SAMD15: variants seen among roughly 807,000 people sequenced by gnomAD.
The protein encoded by SAMD15 is sterile alpha motif domain containing 15, also known as sterile alpha motif domain-containing protein 15.
SAMD15 carries 37 observed loss-of-function variants against 50.5 expected under a neutral mutation model. The ratio of observed to expected loss-of-function variants is 0.73; its 90% CI spans 0.56 to 0.96. The LOEUF is 0.96. Ranked by LOEUF, SAMD15 falls within the 40% of genes least tolerant of loss-of-function variation. The pLI is 0.00. For synonymous variants in SAMD15, 255 were observed against 282.8 expected (o/e 0.90, Z 0.99); for missense variants, 789 against 783.8 (o/e 1.01, Z -0.08).
rs1894066091 is a variant in SAMD15, at chr14:77,391,025, G to A, written c.1806G>A (p.Thr602=). ...FEDMKAISRH[T]QELLEIEEPL... Reference sequence around the variant, plus strand: ...CGTTTCAGGCAATTTCTCGGCATACGCAGGAGCTCCTGGAAATTGAAGAGC... The same window carrying A: ...CGTTTCAGGCAATTTCTCGGCATACACAGGAGCTCCTGGAAATTGAAGAGC... The change falls in exon 3 of 3, where the codon ACG becomes ACA. Residue 602 remains threonine, a synonymous_variant. Coordinates refer to ENST00000216471, the MANE Select transcript of SAMD15 (RefSeq NM_001010860.4). 3 of 1,610,954 alleles carry A rather than the reference G, an allele frequency of 1.9e-6. No individual in the cohort carries two copies. Among genetic ancestry groups the A allele is most frequent in the African/African-American group, 1.3e-5 (1 of 74,732 alleles).
At position 77,377,452 on chromosome 14, in the gene SAMD15, C is replaced by T. The variant is rs768588281; in HGVS notation, c.34C>T (p.Pro12Ser). 5.0e-6 allele frequency: 8 copies of T among 1,613,006 alleles called. No homozygotes were observed. The South Asian group carries it at 7.7e-5, about 16-fold the overall frequency. The change falls in exon 1 of 3, where the codon CCA (proline) becomes TCA (serine). Residue 12 changes from proline to serine, a missense_variant. Physicochemically the swap from Pro to Ser is moderately conservative, Grantham distance 74 (BLOSUM62 -1). Coordinates refer to ENST00000216471, the MANE Select transcript of SAMD15 (RefSeq NM_001010860.4). ...AEVPEDYDSG[P>S]DEDGELEPER... ...AGTCCCGGAGGATTATGATTCCGGC[C>T]CAGATGAAGATGGAGAGCTGGAGCC... is the stretch of plus-strand genomic sequence containing the variant.
At position 77,391,329 on chromosome 14, in the gene SAMD15, C is replaced by CTT. The variant is rs377304119; in HGVS notation, c.*98_*99dup. On this transcript the variant is annotated 3_prime_UTR_variant, in exon 3 of 3. Coordinates refer to ENST00000216471, the MANE Select transcript of SAMD15 (RefSeq NM_001010860.4). ...GGTCTTTTTTGGTTTTCTTTTTCTC[C>CTT]TTTTTTTTTTTTTTATTTTTTTGAG... is the stretch of plus-strand genomic sequence containing the variant. 7.0e-3 allele frequency: 4,751 copies of CTT among 680,966 alleles called. No homozygotes were observed. The highest frequency in any genetic ancestry group is 8.3e-3 in the South Asian group (398 of 47,724). 42.2% of individuals were successfully genotyped at this position (680,966 alleles called of 1,614,324 possible). A position where few individuals can be genotyped will look rare whatever the true frequency, so the allele number is the denominator to read the frequency against.
At chr14:77,388,382 CGTGTGT>C (rs376913427) in intron 2 of SAMD15, among the ~76,000 whole-genome samples, 2,613 of 133,134 alleles carry the variant, frequency 0.02, 47 homozygotes, top group East Asian at 0.064. Context: ...GCCACCTGTT[CGTGTGT>C]GTGTGTGTGT....
intron 2 of SAMD15, among the ~76,000 whole-genome samples, chr14:77,384,364 T>C (rs1024890084): frequency 1.3e-5 from 2 of 152,234 alleles, no homozygotes; most frequent in African/African-American, 4.8e-5. Flanking sequence ...AGCCCTTCTA[T>C]GTTTAATTGG....
At chr14:77,390,885 G>A (rs985197421) in intron 2 of SAMD15, 123 bp from the exon 3 acceptor site, 13 of 701,954 alleles carry the variant, frequency 1.9e-5, no homozygotes, top group Admixed American at 9.5e-5. Context: ...GCAAGACTTC[G>A]TCTCAAAAAA....
At chr14:77,381,290 A>G (rs1285039903) in intron 2 of SAMD15, among the ~76,000 whole-genome samples, 1 of 152,208 alleles carries the variant, frequency 6.6e-6, no homozygotes, top group Non-Finnish European at 1.5e-5. Flanking sequence ...AATCTCCAGC[A>G]CCAACAGTTC....
At chr14:77,383,259 G>T (rs959443337) in intron 2 of SAMD15, among the ~76,000 whole-genome samples, 65 of 152,100 alleles carry the variant, frequency 4.3e-4, no homozygotes, top group African/African-American at 1.5e-3. Flanking sequence ...TAATAATAAG[G>T]AACAGAATTA....
chr14:77,386,369 A>G (rs2038048645), intron 2 of SAMD15, among the ~76,000 whole-genome samples: 1 of 152,194 alleles, frequency 6.6e-6, no homozygotes, highest in Admixed American at 6.5e-5. Flanking sequence ...GAATCAAATA[A>G]TGCACATTCT....
Position 77,378,476 on chromosome 14 carries a change from CAG to C in SAMD15, c.1060_1061del (p.Glu354AsnfsTer15), listed in dbSNP as rs1289088373. ...AATGAGGAAACAATTCTAGAACAAT[CAG>C]AAATGATGAAACCAGAAAGTCCAGA... On this transcript the variant is annotated frameshift_variant, in exon 1 of 3. Coordinates refer to ENST00000216471, the MANE Select transcript of SAMD15 (RefSeq NM_001010860.4). LOFTEE classifies it high-confidence loss of function. The C allele has an allele frequency of 6.2e-7, 1 of 1,612,978 alleles. No individual in the cohort carries two copies. Among genetic ancestry groups the C allele is most frequent in the Non-Finnish European group, 8.5e-7 (1 of 1,179,826 alleles).
At chr14:77,383,828 C>A (rs973961774) in intron 2 of SAMD15, among the ~76,000 whole-genome samples, 1 of 151,978 alleles carries the variant, frequency 6.6e-6, no homozygotes, top group Non-Finnish European at 1.5e-5. Flanking sequence ...AAAAAATTAG[C>A]TAGGCATGTT....
chr14:77,388,200 A>G (rs17105746), intron 2 of SAMD15, among the ~76,000 whole-genome samples: 2,957 of 152,262 alleles, frequency 0.019, 89 homozygotes, highest in African/African-American at 0.067. Flanking sequence ...CTGGGAATAC[A>G]ATCTGTGAAC....
intron 1 of SAMD15, among the ~76,000 whole-genome samples, chr14:77,379,759 T>C (rs1338423663): frequency 6.6e-6 from 1 of 152,204 alleles, no homozygotes; most frequent in East Asian, 1.9e-4. Flanking sequence ...TTTGGTACTT[T>C]GTCAAGTTAT....
In SAMD15 at chr14:77,378,233, C is replaced by G. The variant is rs1893880008; in HGVS notation, c.815C>G (p.Ser272Cys). ...TTTCTGGAGAAGGAACCAAGAAAGT[C>G]TAGTGAGGAGGCAGGTCTAGAGCCT... ...LEFLEKEPRK[S>C]SEEAGLEPPE... is the part of the protein sequence containing the mutation. The change falls in exon 1 of 3, where the codon TCT (serine) becomes TGT (cysteine). Residue 272 changes from serine to cysteine, a missense_variant. Physicochemically the swap from Ser to Cys is moderately radical, Grantham distance 112 (BLOSUM62 -1). Transcript: ENST00000216471. The G allele has an allele frequency of 6.2e-7, 1 of 1,613,806 alleles. No homozygotes were observed.
chr14:77,389,395 A>C (rs1894045594), intron 2 of SAMD15, among the ~76,000 whole-genome samples: 1 of 152,092 alleles, frequency 6.6e-6, no homozygotes, highest in South Asian at 2.1e-4. Flanking sequence ...TCTAGCAGCA[A>C]TTCCATGGAC....
chr14:77,386,052 C>T (rs553584394), intron 2 of SAMD15, among the ~76,000 whole-genome samples: 2 of 152,038 alleles, frequency 1.3e-5, no homozygotes, highest in East Asian at 3.9e-4. Context: ...GATGGGGTTT[C>T]GCCATATTGC....
rs1370812195 is a variant in SAMD15, at chr14:77,377,903, T to C, written c.485T>C (p.Val162Ala). The part of the protein sequence containing the change: ...ESAMETDPDP[V>A]PPTETMSEVS... ...GCTATGGAAACAGATCCAGATCCAGTGCCACCAACGGAAACCATGTCTGAG... is the reference window on the plus strand; with the variant it reads ...GCTATGGAAACAGATCCAGATCCAGCGCCACCAACGGAAACCATGTCTGAG... The change falls in exon 1 of 3, where the codon GTG (valine) becomes GCG (alanine). Residue 162 changes from valine (V) to alanine (A), a missense_variant. By Grantham distance (64) the Val-to-Ala change is moderately conservative. Transcript: ENST00000216471. 1 of 1,614,010 alleles carries C rather than the reference T, an allele frequency of 6.2e-7. No homozygotes were observed. Among genetic ancestry groups the C allele is most frequent in the Non-Finnish European group, 8.5e-7 (1 of 1,179,988 alleles).
At chr14:77,389,606 T>G (rs1046299974) in intron 2 of SAMD15, among the ~76,000 whole-genome samples, 1 of 150,386 alleles carries the variant, frequency 6.6e-6, no homozygotes, top group Non-Finnish European at 1.5e-5. Context: ...GTTCAAGTGA[T>G]TCTCCTGCCT....
At chr14:77,390,889 C>CA (rs1224323245) in intron 2 of SAMD15, 119 bp from the exon 3 acceptor site, 55 of 717,256 alleles carry the variant, frequency 7.7e-5, no homozygotes, top group South Asian at 1.6e-4. Context: ...GACTTCGTCT[C>CA]AAAAAAAAGA....
rs778993069 is a variant in SAMD15 at position 77,378,024 on chromosome 14, A to G, written c.606A>G (p.Glu202=). ...VPEESLRVQH[E]ETGLEPPEQT... is the part of the protein sequence containing the mutation. ...AGGAATCACTTAGAGTGCAACATGA[A>G]GAGACAGGTCTAGAGCCTCCAGAGC... Residue 202 remains glutamate (E), a synonymous_variant, in exon 1 of 3, where the codon GAA becomes GAG. Coordinates refer to ENST00000216471, the MANE Select transcript of SAMD15 (RefSeq NM_001010860.4). The G allele has an allele frequency of 1.9e-6, 3 of 1,613,842 alleles. No individual in the cohort carries two copies. Among genetic ancestry groups the G allele is most frequent in the African/African-American group, 2.7e-5 (2 of 74,916 alleles).
Sources: allele counts gnomAD v4.1 joint callset (sites outside exome capture counted in the v4.1 genomes callset), GRCh38; gene constraint gnomAD v4.1.1; transcripts MANE v1.5; gene names NCBI Gene and HGNC (gene_info 2026-07-23, HGNC 2026-07-21).